The following GCNT1 variants were observed in gnomAD, a reference collection of about 807,000 sequenced individuals.
GCNT1 encodes the protein glucosaminyl (N-acetyl) transferase 1, also known as beta-1,3-galactosyl-O-glycosyl-glycoprotein beta-1,6-N-acetylglucosaminyltransferase.
In GCNT1, 16 loss-of-function variants were observed where a neutral mutation model predicts 26.2. That is an observed-to-expected ratio of 0.61 (90% CI 0.41 to 0.93). The LOEUF is 0.93. Among genes scored for constraint, GCNT1 ranks in the 40% least tolerant of loss-of-function variants. The pLI is 0.00. For synonymous variants in GCNT1, 183 were observed against 190.8 expected (o/e 0.96, Z 0.34); for missense variants, 477 against 526.7 (o/e 0.91, Z 0.92).
intron 1 of GCNT1, among the ~76,000 whole-genome samples, chr9:76,448,133 C>T (rs1436517157): frequency 6.6e-6 from 1 of 152,170 alleles, no homozygotes; most frequent in South Asian, 2.1e-4. Flanking sequence ...CCCCTCTAGT[C>T]TTTACTAACA....
chr9:76,453,177 CCCT>C (rs1823702059), intron 1 of GCNT1, among the ~76,000 whole-genome samples: 5 of 152,120 alleles, frequency 3.3e-5, no homozygotes, highest in Admixed American at 6.5e-5. Context: ...CACAGGAGAT[CCCT>C]GCTTCACCAG....
intron 1 of GCNT1, among the ~76,000 whole-genome samples, chr9:76,433,870 GT>G (rs531019267): frequency 1.1e-3 from 175 of 152,310 alleles, no homozygotes; most frequent in African/African-American, 3.9e-3. Context: ...TCAGCCCTCA[GT>G]TTGTTGTCCT....
upstream of GCNT1, among the ~76,000 whole-genome samples, chr9:76,441,115 T>C (rs1246742629): frequency 6.7e-6 from 1 of 149,544 alleles, no homozygotes. Context: ...AGCAATCACA[T>C]CAGAATCCTT....
exon 1 of GCNT1, chr9:76,441,851 C>G (rs1038423863): frequency 6.6e-6 from 1 of 152,206 alleles, no homozygotes; most frequent in Non-Finnish European, 1.5e-5. Context: ...GTATTCATTT[C>G]TGTTTTAAGG....
chr9:76,497,738 A>G (rs764202736), intron 2 of GCNT1, among the ~76,000 whole-genome samples: 2 of 152,174 alleles, frequency 1.3e-5, no homozygotes, highest in Non-Finnish European at 2.9e-5. Flanking sequence ...CCTGTTTAAG[A>G]TAATTCTACT....
chr9:76,407,022 C>G, the GCNT1 span, among the ~76,000 whole-genome samples: 73 of 152,290 alleles, frequency 4.8e-4, no homozygotes, highest in Non-Finnish European at 6.6e-4. Context: ...GCCTGGGCAG[C>G]AGAGAAAGAC....
rs553107760 is a variant in GCNT1 at position 76,452,844 on chromosome 9, C to T, written c.-290+10529C>T. Among the ~76,000 whole-genome samples the T allele has an allele frequency of 8.5e-5, 13 of 152,240 alleles. No individual in the cohort carries two copies. In the East Asian group the frequency reaches 2.3e-3, roughly 27 times the overall value. On this transcript the variant is annotated intron_variant, in intron 1 of 2. Transcript: ENST00000442371. ...AAGGGCTCCCTACCCAGCTAGTTTCCCCTTCAGCCAGACCAGCTGTACCCT... is the reference window on the plus strand; with the variant it reads ...AAGGGCTCCCTACCCAGCTAGTTTCTCCTTCAGCCAGACCAGCTGTACCCT...
intron 1 of GCNT1, among the ~76,000 whole-genome samples, chr9:76,452,056 C>T (rs981434181): frequency 2.0e-5 from 3 of 150,354 alleles, no homozygotes; most frequent in African/African-American, 7.4e-5. Flanking sequence ...GCAACCTCCA[C>T]CTCCTGGCTT....
At chr9:76,449,770 C>T (rs1823635064) in intron 1 of GCNT1, among the ~76,000 whole-genome samples, 1 of 152,036 alleles carries the variant, frequency 6.6e-6, no homozygotes, top group African/African-American at 2.4e-5. Flanking sequence ...CAAAATAAAC[C>T]TTTTCGTTTT....
the GCNT1 span, among the ~76,000 whole-genome samples, chr9:76,400,393 C>CA: frequency 6.6e-6 from 1 of 152,204 alleles, no homozygotes; most frequent in African/African-American, 2.4e-5. Context: ...CTTACCTGCA[C>CA]AGGTGTAGCC....
chr9:76,400,550 C>T, the GCNT1 span, among the ~76,000 whole-genome samples: 10 of 152,224 alleles, frequency 6.6e-5, no homozygotes, highest in African/African-American at 2.4e-4. Context: ...CTAAACTAAA[C>T]CATTGTTCAC....
chr9:76,400,684 G>T, the GCNT1 span, among the ~76,000 whole-genome samples: 1 of 152,152 alleles, frequency 6.6e-6, no homozygotes, highest in Non-Finnish European at 1.5e-5. Flanking sequence ...CCTAGCATGA[G>T]ACAATGCTAC....
intron 2 of GCNT1, among the ~76,000 whole-genome samples, chr9:76,468,665 C>T (rs1194321671): frequency 1.3e-5 from 2 of 152,182 alleles, no homozygotes; most frequent in African/African-American, 4.8e-5. Flanking sequence ...TTACAGGTGT[C>T]TGCATCTCTC....
At chr9:76,413,660 T>TTTTTTTG in the GCNT1 span, among the ~76,000 whole-genome samples, 6 of 131,240 alleles carry the variant, frequency 4.6e-5, no homozygotes, top group Non-Finnish European at 8.0e-5. Flanking sequence ...TTTGTTTTTT[T>TTTTTTTG]TTTTTTTGTT....
At chr9:76,433,588 C>G (rs145232888) in intron 1 of GCNT1, among the ~76,000 whole-genome samples, 1 of 152,182 alleles carries the variant, frequency 6.6e-6, no homozygotes, top group African/African-American at 2.4e-5. Context: ...CCACACACCC[C>G]CTCCTGCCAG....
At chr9:76,477,937 C>T (rs1445108716) in intron 2 of GCNT1, among the ~76,000 whole-genome samples, 1 of 152,148 alleles carries the variant, frequency 6.6e-6, no homozygotes, top group Non-Finnish European at 1.5e-5. Context: ...ACTTTTGTGT[C>T]TAGTTAAAGG....
upstream of GCNT1, among the ~76,000 whole-genome samples, chr9:76,416,687 A>G (rs990415392): frequency 7.2e-5 from 11 of 152,192 alleles, no homozygotes; most frequent in African/African-American, 2.7e-4. Context: ...TTTAACTAAC[A>G]CTATGGCATA....
intron 1 of GCNT1, among the ~76,000 whole-genome samples, chr9:76,422,996 C>A (rs10119732): frequency 6.6e-6 from 1 of 152,050 alleles, no homozygotes; most frequent in African/African-American, 2.4e-5. Flanking sequence ...TTTAAGTTAA[C>A]CTAGGCTAAA....
At chr9:76,477,657 A>C (rs991857400) in intron 2 of GCNT1, among the ~76,000 whole-genome samples, 1 of 152,200 alleles carries the variant, frequency 6.6e-6, no homozygotes, top group Non-Finnish European at 1.5e-5. Flanking sequence ...GAAAACTCCC[A>C]AGGTTAAATC....
Sources: allele counts gnomAD v4.1 joint callset (sites outside exome capture counted in the v4.1 genomes callset), GRCh38; gene constraint gnomAD v4.1.1; transcripts MANE v1.5; gene names NCBI Gene and HGNC (gene_info 2026-07-23, HGNC 2026-07-21).